Variants in ZFAT observed in about 807,000 individuals in gnomAD.
ZFAT encodes zinc finger protein ZFAT.
A neutral mutation model predicts 117.7 loss-of-function variants in ZFAT; 64 were observed. That is an observed-to-expected ratio of 0.54 (90% CI 0.44 to 0.67). The LOEUF (loss-of-function observed/expected upper bound fraction) is 0.67, where lower values mean the gene tolerates loss of function less well. Ranked by LOEUF, ZFAT falls within the 30% of genes least tolerant of loss-of-function variation. The pLI is 0.00. For synonymous variants in ZFAT, 679 were observed against 615.0 expected (o/e 1.10, Z -1.54); for missense variants, 1,433 against 1,584.5 (o/e 0.90, Z 1.62).
chr8:134,822,784 G>A, the ZFAT span, among the ~76,000 whole-genome samples: 1 of 152,108 alleles, frequency 6.6e-6, no homozygotes, highest in African/African-American at 2.4e-5. Flanking sequence ...CATGGTCCCT[G>A]ACACAAATTA....
chr8:134,583,428 A>G (rs568408712), intron 10 of ZFAT, among the ~76,000 whole-genome samples: 48 of 152,222 alleles, frequency 3.2e-4, no homozygotes, highest in Non-Finnish European at 5.1e-4. Context: ...AGCTTGGATG[A>G]TAAGAGACTC....
chr8:134,674,519 G>T (rs915903759), intron 1 of ZFAT, among the ~76,000 whole-genome samples: 1 of 152,224 alleles, frequency 6.6e-6, no homozygotes, highest in African/African-American at 2.4e-5. Context: ...ACAGCTCCCT[G>T]GGACGGAGCA....
intron 2 of ZFAT, among the ~76,000 whole-genome samples, chr8:134,640,257 C>A (rs1329621546): frequency 6.6e-6 from 1 of 152,222 alleles, no homozygotes; most frequent in Non-Finnish European, 1.5e-5. Context: ...CCTTCCAAAT[C>A]TGTAGTAGTA....
the ZFAT span, among the ~76,000 whole-genome samples, chr8:134,821,508 G>A: frequency 1.3e-5 from 2 of 151,078 alleles, no homozygotes. Flanking sequence ...GAGCGATATA[G>A]ATGGGGAAAG....
chr8:134,753,348 A>G, the ZFAT span, among the ~76,000 whole-genome samples: 2 of 152,230 alleles, frequency 1.3e-5, no homozygotes, highest in African/African-American at 2.4e-5. Flanking sequence ...GCAAAAGCCA[A>G]TTCATGGAGG....
chr8:134,483,706 C>T (rs80285369), intron 15 of ZFAT, among the ~76,000 whole-genome samples: 3,007 of 152,250 alleles, frequency 0.02, 94 homozygotes, highest in African/African-American at 0.066. Context: ...ACCCCTGGGA[C>T]GCAGAAATCA....
intron 1 of ZFAT, among the ~76,000 whole-genome samples, chr8:134,691,235 C>T (rs1216937792): frequency 6.6e-6 from 1 of 152,278 alleles, no homozygotes; most frequent in African/African-American, 2.4e-5. Context: ...CCTGGCAAGG[C>T]CAGTCCCTCC....
In ZFAT at chr8:134,712,716, T is replaced by TCCGCGG. The variant is rs1201087049; in HGVS notation, c.19+123_19+128dup. The stretch of plus-strand genomic sequence containing the variant: ...GCTCTCCTCCCCAGACCCGGATCCC[T>TCCGCGG]CCGCGGCCGGCGGCCGGCGGCCGGC... On this transcript the variant is annotated intron_variant, in intron 1 of 15. Coordinates refer to ENST00000377838, the MANE Select transcript of ZFAT (RefSeq NM_020863.4). 4 of 736,484 alleles carry TCCGCGG rather than the reference T, an allele frequency of 5.4e-6. No individual in the cohort carries two copies. In the East Asian group the frequency reaches 1.8e-4, roughly 32 times the overall value. The allele number at this position is 736,484 out of a possible 1,614,324, so 45.6% of individuals were successfully genotyped here.
intron 1 of ZFAT, among the ~76,000 whole-genome samples, chr8:134,677,418 C>T (rs1832857391): frequency 6.6e-6 from 1 of 152,086 alleles, no homozygotes; most frequent in Admixed American, 6.6e-5. Flanking sequence ...CTGAATACAC[C>T]AATAACAAGT....
intron 1 of ZFAT, among the ~76,000 whole-genome samples, chr8:134,667,402 A>G (rs532974420): frequency 6.6e-6 from 1 of 150,420 alleles, no homozygotes; most frequent in South Asian, 2.1e-4. Context: ...CTGAGGCAGG[A>G]GAATGGCATG....
At chr8:134,776,003 A>T in the ZFAT span, among the ~76,000 whole-genome samples, 1 of 152,226 alleles carries the variant, frequency 6.6e-6, no homozygotes, top group African/African-American at 2.4e-5. Context: ...TGTTACTGCC[A>T]TCTTCATCTT....
intron 1 of ZFAT, among the ~76,000 whole-genome samples, chr8:134,686,028 C>T (rs919187569): frequency 3.9e-5 from 6 of 152,264 alleles, no homozygotes; most frequent in East Asian, 3.9e-4. Flanking sequence ...GACCAGACCC[C>T]GCTGCCCTTC....
At chr8:134,781,866 T>G in the ZFAT span, among the ~76,000 whole-genome samples, 1 of 152,242 alleles carries the variant, frequency 6.6e-6, no homozygotes, top group African/African-American at 2.4e-5. Flanking sequence ...CTTGCAATTT[T>G]CTTATTAACA....
intron 12 of ZFAT, among the ~76,000 whole-genome samples, chr8:134,521,847 C>T (rs533136505): frequency 1.7e-3 from 257 of 152,334 alleles, no homozygotes; most frequent in African/African-American, 5.1e-3. Flanking sequence ...CGGGCCGCCA[C>T]CCTGAGCTGG....
chr8:134,601,903 C>A lies in ZFAT; in HGVS notation c.1816G>T (p.Ala606Ser), dbSNP rs201380546. The A allele has an allele frequency of 9.3e-6, 15 of 1,613,652 alleles. No homozygotes were observed. The highest frequency in any genetic ancestry group is 1.6e-4 in the Middle Eastern group (1 of 6,084). Residue 606 changes from alanine (A) to serine (S), a missense_variant, in exon 6 of 16, where the codon GCA becomes TCA. Ala to Ser is a moderately conservative substitution (Grantham distance 99). Transcript: ENST00000377838. ...DFLLKNDTSS[A>S]EAHAAPEKPP... Reference sequence around the variant, plus strand: ...TTCTCAGGAGCAGCATGAGCCTCTGCGGAGGAGGTATCATTTTTCAACAAA... The same window carrying A: ...TTCTCAGGAGCAGCATGAGCCTCTGAGGAGGAGGTATCATTTTTCAACAAA...
chr8:134,696,670 G>A, intron 1 of ZFAT: 1 of 935,592 alleles, frequency 1.1e-6, no homozygotes, highest in Non-Finnish European at 1.3e-6. Flanking sequence ...CCGCCACAGA[G>A]GCTCTGATTG....
intron 13 of ZFAT, among the ~76,000 whole-genome samples, chr8:134,514,489 C>T (rs199964128): frequency 6.6e-6 from 1 of 152,206 alleles, no homozygotes; most frequent in African/African-American, 2.4e-5. Context: ...ATCATAGCAG[C>T]TGCCATTTTT....
the ZFAT span, among the ~76,000 whole-genome samples, chr8:134,808,664 C>T: frequency 6.6e-6 from 1 of 152,190 alleles, no homozygotes; most frequent in Admixed American, 6.5e-5. Flanking sequence ...CACTGTGAAA[C>T]ATACTGTCCA....
upstream of ZFAT, among the ~76,000 whole-genome samples, chr8:134,718,049 G>A (rs1315175455): frequency 2.6e-5 from 4 of 152,134 alleles, no homozygotes; most frequent in African/African-American, 7.2e-5. Context: ...TTTAGGTATG[G>A]TGCAGTAAAA....
Sources: allele counts gnomAD v4.1 joint callset (sites outside exome capture counted in the v4.1 genomes callset), GRCh38; gene constraint gnomAD v4.1.1; transcripts MANE v1.5; gene names NCBI Gene and HGNC (gene_info 2026-07-23, HGNC 2026-07-21).